Variants in ZNF236 observed in about 807,000 individuals in gnomAD.
The protein encoded by ZNF236 is regulated by glucose.
In ZNF236, 50 loss-of-function variants were observed where a neutral mutation model predicts 191.2. The ratio of observed to expected loss-of-function variants is 0.26; its 90% CI spans 0.21 to 0.33. The LOEUF is 0.33. ZNF236 is among the 10% of genes least tolerant of loss of function. The probability of loss-of-function intolerance (pLI) is 1.00; values close to 1 mark genes in which losing one functional copy is unlikely to be tolerated. For missense variants in ZNF236, 1,754 were observed against 2,374.5 expected (o/e 0.74, Z 5.43); for synonymous variants, 907 against 928.8 (o/e 0.98, Z 0.43).
At chr18:76,888,086 A>C (rs1977112402) in intron 9 of ZNF236, 1 of 152,006 alleles carries the variant, frequency 6.6e-6, no homozygotes, top group South Asian at 2.1e-4. Flanking sequence ...AGCATAAAAA[A>C]CAAATGCCGG....
At chr18:76,890,654 A>G (rs1215745632) in intron 9 of ZNF236, among the ~76,000 whole-genome samples, 1 of 152,192 alleles carries the variant, frequency 6.6e-6, no homozygotes, top group Non-Finnish European at 1.5e-5. Flanking sequence ...GTCTTATTGT[A>G]CGTTTAATTT....
At position 76,925,026 on chromosome 18, in the gene ZNF236, T is replaced by C. The variant is rs1034314529; in HGVS notation, c.3662-163T>C. Among the ~76,000 whole-genome samples, 1 of 152,226 alleles carries C rather than the reference T, an allele frequency of 6.6e-6. No homozygotes were observed. Among genetic ancestry groups the C allele is most frequent in the Non-Finnish European group, 1.5e-5 (1 of 68,040 alleles). On this transcript the variant is annotated intron_variant, in intron 21 of 30. Coordinates refer to ENST00000320610, the MANE Select transcript of ZNF236 (RefSeq NM_001306089.2). This position sits in a 1 kb window ranked among gnomAD's most constrained non-coding sequence, Gnocchi z 5.7. ...GTTAAATTTACAATACTGCAGCAATTGCCTGTGACGTCCGTAACATCTTAT... is the reference window on the plus strand; with the variant it reads ...GTTAAATTTACAATACTGCAGCAATCGCCTGTGACGTCCGTAACATCTTAT...
In ZNF236 at chr18:76,868,771, T is replaced by C; in HGVS notation, c.450T>C (p.Ala150=). 6.2e-7 allele frequency: 1 copy of C among 1,614,002 alleles called. No homozygotes were observed. Among genetic ancestry groups the C allele is most frequent in the Admixed American group, 1.7e-5 (1 of 60,032 alleles). ...VHMEEHRQEL[A]GTRQHACKAC... ...TGGAGGAGCACCGCCAGGAGCTGGC[T>C]GGAACCCGGCAGCATGCCTGCAAGG... is the stretch of plus-strand genomic sequence containing the variant. Residue 150 remains alanine, a synonymous_variant, in exon 4 of 31, where the codon GCT becomes GCC. Coordinates refer to ENST00000320610, the MANE Select transcript of ZNF236 (RefSeq NM_001306089.2).
chr18:76,962,365 A>G (rs1444090054), intron 30 of ZNF236, among the ~76,000 whole-genome samples: 2 of 152,034 alleles, frequency 1.3e-5, no homozygotes, highest in East Asian at 3.8e-4. Context: ...TCAGTTGGCT[A>G]TAAGTATTTG....
intron 9 of ZNF236, among the ~76,000 whole-genome samples, chr18:76,892,146 T>TC (rs1435645624): frequency 2.0e-5 from 3 of 148,766 alleles, no homozygotes; most frequent in African/African-American, 7.4e-5. Context: ...TTTTTTTTTT[T>TC]CTTTTTGAAA....
intron 3 of ZNF236, among the ~76,000 whole-genome samples, chr18:76,853,296 C>T (rs890070374): frequency 6.6e-6 from 1 of 152,034 alleles, no homozygotes; most frequent in Non-Finnish European, 1.5e-5. Flanking sequence ...CCAAGCTGGT[C>T]TTGAACTCCT....
Position 76,838,496 on chromosome 18 carries a change from A to G in ZNF236, c.56-11030A>G, listed in dbSNP as rs1401844763. 2.6e-5 allele frequency among the ~76,000 whole-genome samples: 4 copies of G among 152,184 alleles called. No homozygotes were observed. The East Asian group carries it at 7.7e-4, about 29-fold the overall frequency. ...GATTCCAGATGGAGTCATAGTTTAC[A>G]GTGTAGTGCAGGAGTTGGCAAGTAT... On this transcript the variant is annotated intron_variant, in intron 1 of 30. Transcript: ENST00000320610.
At chr18:76,909,986 C>T (rs905767521) in intron 14 of ZNF236, 82 bp from the exon 15 acceptor site, 11 of 1,031,054 alleles carry the variant, frequency 1.1e-5, no homozygotes, top group East Asian at 2.4e-5. Flanking sequence ...GAAAACTCGC[C>T]GAAGTGTACT....
rs886328163 is a variant in ZNF236 at position 76,970,181 on chromosome 18, G to A, written c.*1842G>A. The A allele has an allele frequency of 1.3e-5, 2 of 152,514 alleles. No homozygotes were observed. Among genetic ancestry groups the A allele is most frequent in the Admixed American group, 1.3e-4 (2 of 15,282 alleles). 9.4% of individuals were successfully genotyped at this position (152,514 alleles called of 1,614,324 possible). On this transcript the variant is annotated 3_prime_UTR_variant, in exon 31 of 31. Coordinates refer to ENST00000320610, the MANE Select transcript of ZNF236 (RefSeq NM_001306089.2). ...TTTGGTGAAAAAATATCCCCAAAGT[G>A]GAAATTATTGGAATTTTAAACTTTT... is the stretch of plus-strand genomic sequence containing the variant.
Position 76,895,305 on chromosome 18 carries a change from CCCACACGGGCACTGGCCACGGGGG to C in ZNF236, c.1690+27_1690+50del. On this transcript the variant is annotated intron_variant, in intron 10 of 30. Transcript: ENST00000320610. ...ACACAGGTATGGCCTCAGGGCTGGG[CCCACACGGGCACTGGCCACGGGGG>C]CCACACACATTACTGCGCACATATA... The C allele has an allele frequency of 1.3e-6, 2 of 1,594,808 alleles. No individual in the cohort carries two copies. Among genetic ancestry groups the C allele is most frequent in the Non-Finnish European group, 1.7e-6 (2 of 1,176,272 alleles).
At chr18:76,838,557 G>A (rs1468437655) in intron 1 of ZNF236, among the ~76,000 whole-genome samples, 4 of 152,152 alleles carry the variant, frequency 2.6e-5, no homozygotes, top group African/African-American at 9.7e-5. Flanking sequence ...AATGTTTTAG[G>A]CTTTGTAGGT....
chr18:76,947,335 A>G (rs1368465826), intron 26 of ZNF236, among the ~76,000 whole-genome samples, 186 bp from the exon 27 acceptor site: 2 of 152,042 alleles, frequency 1.3e-5, no homozygotes, highest in Non-Finnish European at 2.9e-5. Context: ...TCTCCTGTGG[A>G]CATTTCTGTA....
At position 76,937,355 on chromosome 18, in the gene ZNF236, T is replaced by C. The variant is rs369365497; in HGVS notation, c.4782+12T>C. 3.8e-6 allele frequency: 6 copies of C among 1,584,430 alleles called. No individual in the cohort carries two copies. The African/African-American group carries it at 6.7e-5, about 18-fold the overall frequency. On this transcript the variant is annotated intron_variant, in intron 26 of 30. Transcript: ENST00000320610. ...ACATCACCTCTCAGGCAAGTGCTCC[T>C]CAGAGAGGGATGCGAAGGTCCTTTC... is the stretch of plus-strand genomic sequence containing the variant.
intron 1 of ZNF236, among the ~76,000 whole-genome samples, chr18:76,835,616 C>G (rs149686403): frequency 6.6e-6 from 1 of 152,052 alleles, no homozygotes; most frequent in African/African-American, 2.4e-5. Flanking sequence ...ACCATGACTG[C>G]TTTGGTTAGT....
intron 8 of ZNF236, among the ~76,000 whole-genome samples, 188 bp from the exon 9 acceptor site, chr18:76,881,096 C>CA (rs1245480493): frequency 6.6e-6 from 1 of 152,124 alleles, no homozygotes; most frequent in Non-Finnish European, 1.5e-5. Flanking sequence ...AGCAAGATGT[C>CA]ATATCATCAG....
At chr18:76,935,740 G>A (rs933129522) in intron 25 of ZNF236, among the ~76,000 whole-genome samples, 6 of 152,226 alleles carry the variant, frequency 3.9e-5, no homozygotes, top group South Asian at 4.1e-4. Flanking sequence ...GCTAGTGTGC[G>A]GTAAGGGTGT....
chr18:76,940,222 G>A (rs942803746), intron 26 of ZNF236, among the ~76,000 whole-genome samples: 1 of 147,964 alleles, frequency 6.8e-6, no homozygotes. Context: ...AACATGGTGG[G>A]CTGCCCTAGC....
chr18:76,912,231 T>C lies in ZNF236; in HGVS notation c.2806-13T>C, dbSNP rs372878444. ...ATTCAAGTAGTTTGCTTTATACTTC[T>C]CTTAAATTTTAGACAACTCGCTTGA... On this transcript the variant is annotated splice_polypyrimidine_tract_variant and intron_variant, in intron 16 of 30. Transcript: ENST00000320610. 1.2e-6 allele frequency: 2 copies of C among 1,606,154 alleles called. No homozygotes were observed. Among genetic ancestry groups the C allele is most frequent in the South Asian group, 1.1e-5 (1 of 90,642 alleles).
At chr18:76,959,151 C>T (rs955134457) in intron 28 of ZNF236, among the ~76,000 whole-genome samples, 2 of 152,210 alleles carry the variant, frequency 1.3e-5, no homozygotes, top group African/African-American at 2.4e-5. Context: ...AAGCCTCTGT[C>T]GTATCACCGG....
Sources: allele counts gnomAD v4.1 joint callset (sites outside exome capture counted in the v4.1 genomes callset), GRCh38; gene constraint gnomAD v4.1.1; non-coding constraint Gnocchi (gnomAD v3.1); transcripts MANE v1.5; gene names NCBI Gene and HGNC (gene_info 2026-07-23, HGNC 2026-07-21).